The following GALNT2 variants were observed in gnomAD, a reference collection of about 807,000 sequenced individuals.
GALNT2 encodes polypeptide N-acetylgalactosaminyltransferase 2.
In GALNT2, 31 loss-of-function variants were observed where a neutral mutation model predicts 81.4. The observed-to-expected ratio is 0.38, with a 90% CI of 0.29 to 0.51. GALNT2 has a LOEUF of 0.51. Among genes scored for constraint, GALNT2 ranks in the 20% least tolerant of loss-of-function variants. GALNT2 has a pLI of 0.87. For missense variants in GALNT2, 629 were observed against 765.7 expected, an observed-to-expected ratio of 0.82 and a Z score of 2.11; for synonymous variants, 303 against 287.4, an observed-to-expected ratio of 1.05 and a Z score of -0.55.
Position 230,279,194 on chromosome 1 carries a change from T to G in GALNT2, c.1561-109T>G, listed in dbSNP as rs1346961304. The G allele has an allele frequency of 8.4e-7, 1 of 1,184,498 alleles. No homozygotes were observed. The highest frequency in any genetic ancestry group is 1.2e-6 in the Non-Finnish European group (1 of 856,044). 73.4% of individuals were successfully genotyped at this position (1,184,498 alleles called of 1,614,324 possible). On this transcript the variant is annotated intron_variant, in intron 15 of 15. Transcript: ENST00000366672. This position sits in a 1 kb window ranked among gnomAD's most constrained non-coding sequence, Gnocchi z 4.6. ...TTCAGATGAGAGGCTGGGAAAAACG[T>G]GTCTATCTGTGAGTTTTTAATGCAG...
chr1:230,263,226 C>T lies in GALNT2; in HGVS notation c.1313+221C>T, dbSNP rs148258504. 486 of 551,354 alleles carry T rather than the reference C, an allele frequency of 8.8e-4. 1 individual carries two copies. Among genetic ancestry groups the T allele is most frequent in the African/African-American group, 8.4e-3 (443 of 52,960 alleles). 34.2% of individuals were successfully genotyped at this position (551,354 alleles called of 1,614,324 possible). A position where few individuals can be genotyped will look rare whatever the true frequency, so the allele number is the denominator to read the frequency against. On this transcript the variant is annotated intron_variant, in intron 13 of 15. Coordinates refer to ENST00000366672, the MANE Select transcript of GALNT2 (RefSeq NM_004481.5). ...CCTGCAGAGCTGCCCTCCCATGCTTCGGAGTCCCAGAGGCAGTCCCCCGGG... is the reference window on the plus strand; with the variant it reads ...CCTGCAGAGCTGCCCTCCCATGCTTTGGAGTCCCAGAGGCAGTCCCCCGGG...
At chr1:230,266,063 G>A (rs185746141) in intron 14 of GALNT2, among the ~76,000 whole-genome samples, 3 of 152,206 alleles carry the variant, frequency 2.0e-5, no homozygotes, top group Admixed American at 6.5e-5. Context: ...GCGTGGTGGC[G>A]GGCACCTGTA....
At chr1:230,230,358 A>C (rs984356626) in intron 3 of GALNT2, among the ~76,000 whole-genome samples, 11 of 152,312 alleles carry the variant, frequency 7.2e-5, no homozygotes, top group African/African-American at 2.6e-4. Context: ...AGTAATCAGG[A>C]CCTTGGAAAT....
chr1:230,227,264 G>A (rs551307984), intron 3 of GALNT2, among the ~76,000 whole-genome samples: 25 of 151,998 alleles, frequency 1.6e-4, no homozygotes, highest in African/African-American at 6.0e-4. Context: ...ATGGGTTTGC[G>A]TAAAACCCAG....
intron 1 of GALNT2, among the ~76,000 whole-genome samples, chr1:230,177,560 A>G (rs1289770205): frequency 6.6e-6 from 1 of 152,248 alleles, no homozygotes; most frequent in Non-Finnish European, 1.5e-5. Context: ...TTGATAAATT[A>G]GAGTAAATTG....
intron 3 of GALNT2, among the ~76,000 whole-genome samples, chr1:230,207,206 A>G (rs545637157): frequency 6.6e-6 from 1 of 152,260 alleles, no homozygotes; most frequent in South Asian, 2.1e-4. Flanking sequence ...TAAATCATGC[A>G]AGATATGAAG....
In GALNT2 at chr1:230,275,635, G is replaced by A. The variant is rs898488864; in HGVS notation, c.1560+1071G>A. ...TTATATAAACACCACATATATATAC[G>A]CCACATAGATATACAAGCACAACAT... On this transcript the variant is annotated intron_variant, in intron 15 of 15. Transcript: ENST00000366672. The surrounding 1 kb of genome is among the most constrained non-coding windows in gnomAD (Gnocchi z 5.5). Among the ~76,000 whole-genome samples, 11 of 147,054 alleles carry A rather than the reference G, an allele frequency of 7.5e-5. No homozygotes were observed. Among genetic ancestry groups the A allele is most frequent in the Non-Finnish European group, 8.9e-5 (6 of 67,082 alleles).
At chr1:230,138,494 C>T (rs1319737793) in intron 1 of GALNT2, among the ~76,000 whole-genome samples, 1 of 143,272 alleles carries the variant, frequency 7.0e-6, no homozygotes, top group Non-Finnish European at 1.5e-5. Context: ...CTCTGCACCC[C>T]AGCCTGGGCG....
chr1:230,185,916 T>A (rs1663321605), intron 2 of GALNT2, among the ~76,000 whole-genome samples: 1 of 152,160 alleles, frequency 6.6e-6, no homozygotes, highest in Admixed American at 6.5e-5. Context: ...CCGTAGTGGA[T>A]CTTCAGGGGT....
Position 230,178,256 on chromosome 1 carries a change from C to A in GALNT2, c.165C>A (p.Asp55Glu), listed in dbSNP as rs1255488508. 1.2e-5 allele frequency: 19 copies of A among 1,614,018 alleles called. No homozygotes were observed. The highest frequency in any genetic ancestry group is 1.6e-5 in the Non-Finnish European group (19 of 1,179,986). ...AAATTGACCCCATTAAAAAGAAAGA[C>A]CTTCATCACAGCAATGGAGAAGAGA... ...WNEIDPIKKK[D>E]LHHSNGEEKA... is the part of the protein sequence containing the mutation. The change falls in exon 2 of 16, where the codon GAC becomes GAA. Residue 55 changes from aspartate to glutamate, a missense_variant. By Grantham distance (45) the Asp-to-Glu change is conservative. Around this residue, in one of 3 missense-constraint regions of GALNT2, gnomAD observed 360 missense variants for 492.8 expected, o/e 0.73. Coordinates refer to ENST00000366672, the MANE Select transcript of GALNT2 (RefSeq NM_004481.5).
rs947859525 is a variant in GALNT2, at chr1:230,193,646, T to C, written c.221-9491T>C. ...AAAAATTTTAAGAAAGAAGTGGCATTGTTTGGAAAGGTAGCATTATTTTAA... is the reference window on the plus strand; with the variant it reads ...AAAAATTTTAAGAAAGAAGTGGCATCGTTTGGAAAGGTAGCATTATTTTAA... On this transcript the variant is annotated intron_variant, in intron 2 of 15. Transcript: ENST00000366672. This position sits in a 1 kb window ranked among gnomAD's most constrained non-coding sequence, Gnocchi z 4.3. Among the ~76,000 whole-genome samples, 10 of 152,196 alleles carry C rather than the reference T, an allele frequency of 6.6e-5. No individual in the cohort carries two copies. Among genetic ancestry groups the C allele is most frequent in the African/African-American group, 2.4e-4 (10 of 41,448 alleles).
chr1:230,058,792 G>A (rs1032968939), intron 1 of GALNT2, among the ~76,000 whole-genome samples: 9 of 152,166 alleles, frequency 5.9e-5, no homozygotes, highest in Non-Finnish European at 1.0e-4. Flanking sequence ...CACTGTCCCC[G>A]GGGTGTGGGG....
chr1:230,111,303 T>C (rs1660699582), intron 1 of GALNT2, among the ~76,000 whole-genome samples: 1 of 152,250 alleles, frequency 6.6e-6, no homozygotes, highest in Non-Finnish European at 1.5e-5. Flanking sequence ...GCCTACGATA[T>C]GTGTTTGCAG....
At chr1:230,102,034 C>T (rs1660417996) in intron 1 of GALNT2, among the ~76,000 whole-genome samples, 1 of 152,212 alleles carries the variant, frequency 6.6e-6, no homozygotes, top group African/African-American at 2.4e-5. Context: ...CACAATTTGC[C>T]CTTCTTGGGG....
chr1:230,192,336 T>C (rs758005613), intron 2 of GALNT2, among the ~76,000 whole-genome samples: 1 of 152,228 alleles, frequency 6.6e-6, no homozygotes, highest in Non-Finnish European at 1.5e-5. Flanking sequence ...ACCCTCATAT[T>C]TGACATGGTT....
chr1:230,151,411 G>C (rs553973504), intron 1 of GALNT2, among the ~76,000 whole-genome samples: 2 of 152,226 alleles, frequency 1.3e-5, no homozygotes, highest in Non-Finnish European at 2.9e-5. Flanking sequence ...GGCCAAGCCA[G>C]ATATGTAAGG....
intron 1 of GALNT2, among the ~76,000 whole-genome samples, chr1:230,108,952 G>A (rs566918201): frequency 1.3e-5 from 2 of 152,256 alleles, no homozygotes; most frequent in Admixed American, 6.5e-5. Flanking sequence ...TTGTTAAGTC[G>A]AGCCATGGTA....
intron 3 of GALNT2, among the ~76,000 whole-genome samples, chr1:230,223,450 G>A (rs770343749): frequency 3.3e-5 from 5 of 149,478 alleles, no homozygotes; most frequent in Non-Finnish European, 4.4e-5. Context: ...TAGACTCTTA[G>A]CCATTTTTTT....
Position 230,126,644 on chromosome 1 carries a change from G to A in GALNT2, c.127-51574G>A, listed in dbSNP as rs187808566. 2.1e-3 allele frequency among the ~76,000 whole-genome samples: 319 copies of A among 152,272 alleles called. 3 individuals carry two copies. The highest frequency in any genetic ancestry group is 6.9e-3 in the African/African-American group (285 of 41,540). On this transcript the variant is annotated intron_variant, in intron 1 of 15. Coordinates refer to ENST00000366672, the MANE Select transcript of GALNT2 (RefSeq NM_004481.5). The stretch of plus-strand genomic sequence containing the variant: ...CACTCACGTACCTCAGTCTCTCCTC[G>A]GAAAAGTGTGTGCATGGGATTGTAA...
Sources: gnomAD v4.1 joint callset for allele counts (sites outside exome capture counted in the v4.1 genomes callset) on GRCh38, gnomAD v4.1.1 for gene constraint, gnomAD v4.1.1 regional missense constraint, Gnocchi (gnomAD v3.1) non-coding constraint, MANE v1.5 for transcripts, NCBI Gene and HGNC (gene_info 2026-07-23, HGNC 2026-07-21) for gene names.